Variants in UPP2 observed in about 807,000 individuals in gnomAD.
The protein encoded by UPP2 is UPase 2.
Under a neutral mutation model 26.7 loss-of-function variants are expected in UPP2, and 23 were observed. The ratio of observed to expected loss-of-function variants is 0.86; its 90% CI spans 0.62 to 1.22. UPP2 has a LOEUF of 1.22. Ranked by LOEUF, UPP2 falls within the 50% of genes most tolerant of loss-of-function variation. The pLI is 0.00. For missense variants in UPP2, 387 were observed against 396.7 expected (o/e 0.98, Z 0.21); for synonymous variants, 127 against 141.3 (o/e 0.90, Z 0.72).
rs377623634 is a variant in UPP2 at position 158,002,083 on chromosome 2, C to T, written c.61+6824C>T. 1.5e-4 allele frequency among the ~76,000 whole-genome samples: 23 copies of T among 151,434 alleles called. 1 individual carries two copies. The highest frequency in any genetic ancestry group is 9.9e-4 in the Admixed American group (15 of 15,172). On this transcript the variant is annotated intron_variant, in intron 2 of 9. Transcript: ENST00000605860. The stretch of plus-strand genomic sequence containing the variant: ...AGATTCACCTTTCAGCATCTTTTAC[C>T]AATATAAAATTCACCTCATTTTTCA...
chr2:158,053,199 T>G (rs780782561), intron 3 of UPP2, among the ~76,000 whole-genome samples: 8 of 152,324 alleles, frequency 5.3e-5, no homozygotes, highest in Middle Eastern at 3.4e-3. Context: ...TGGGAAGTCC[T>G]GATTTAGAAG....
At chr2:157,999,575 T>C (rs181908542) in intron 2 of UPP2, among the ~76,000 whole-genome samples, 1 of 152,228 alleles carries the variant, frequency 6.6e-6, no homozygotes, top group East Asian at 1.9e-4. Context: ...TATAAACCTG[T>C]TTTAATAACC....
intron 2 of UPP2, among the ~76,000 whole-genome samples, chr2:158,009,814 A>C (rs1378093744): frequency 6.6e-6 from 1 of 152,208 alleles, no homozygotes. Flanking sequence ...TTCTGTGGTC[A>C]TCTTGCCCCA....
chr2:158,059,892 C>T (rs1324464296), intron 3 of UPP2, among the ~76,000 whole-genome samples: 2 of 152,108 alleles, frequency 1.3e-5, no homozygotes, highest in Admixed American at 1.3e-4. Context: ...TTGGTCTTCA[C>T]CACTCATCAA....
chr2:158,064,613 T>C (rs948988465), intron 3 of UPP2, among the ~76,000 whole-genome samples: 1 of 152,244 alleles, frequency 6.6e-6, no homozygotes, highest in African/African-American at 2.4e-5. Context: ...TTGTCAATTT[T>C]GGCTTTTGTT....
At chr2:158,098,930 C>T (rs561827399), upstream of UPP2, among the ~76,000 whole-genome samples, 3 of 152,258 alleles carry the variant, frequency 2.0e-5, no homozygotes, top group South Asian at 6.2e-4. Context: ...AAAAATTGTA[C>T]ACTCTTAATA....
rs1020726499 is a variant in UPP2 at position 158,065,440 on chromosome 2, C to G, written c.148-36600C>G. The G allele has an allele frequency of 3.2e-4, 81 of 252,086 alleles. 2 individuals carry two copies. The highest frequency in any genetic ancestry group is 2.4e-3 in the South Asian group (54 of 22,444). 15.6% of individuals were successfully genotyped at this position (252,086 alleles called of 1,614,324 possible). A position where few individuals can be genotyped will look rare whatever the true frequency, so the allele number is the denominator to read the frequency against. The stretch of plus-strand genomic sequence containing the variant: ...TTCATACTCAAAGCACTGAGAATTT[C>G]AAGTGGAGTATATTGAAGTAGACTT... On this transcript the variant is annotated intron_variant, in intron 3 of 9. Coordinates refer to the UPP2 transcript ENST00000605860.
intron 3 of UPP2, among the ~76,000 whole-genome samples, chr2:158,074,687 T>TCATACA (rs1490427837): frequency 6.5e-4 from 18 of 27,502 alleles, no homozygotes; most frequent in Admixed American, 2.8e-3. Context: ...TAGAAGACCT[T>TCATACA]CATACACACA....
chr2:158,123,667 C>A, intron 5 of UPP2, 82 bp from the exon 6 acceptor site: 11 of 1,528,572 alleles, frequency 7.2e-6, no homozygotes, highest in Non-Finnish European at 9.7e-6. Flanking sequence ...GCAGCGTGCT[C>A]CAGCCAACAG....
upstream of UPP2, among the ~76,000 whole-genome samples, chr2:158,101,460 A>G (rs866258431): frequency 6.6e-6 from 1 of 152,336 alleles, no homozygotes. Context: ...AGATAAAGGG[A>G]CATTCTGAGG....
chr2:157,996,219 C>A (rs915643724), intron 2 of UPP2, among the ~76,000 whole-genome samples: 4 of 152,152 alleles, frequency 2.6e-5, no homozygotes, highest in African/African-American at 9.7e-5. Context: ...GAGAGAAGAG[C>A]TTTTCTTGGT....
intron 3 of UPP2, among the ~76,000 whole-genome samples, chr2:158,067,022 T>A (rs1384716206): frequency 2.0e-5 from 3 of 152,194 alleles, no homozygotes; most frequent in Non-Finnish European, 4.4e-5. Flanking sequence ...TTATCAGAAG[T>A]TGTTTACCAA....
Position 158,037,682 on chromosome 2 carries a change from C to G in UPP2, c.147+21796C>G, listed in dbSNP as rs565890310. Among the ~76,000 whole-genome samples the G allele has an allele frequency of 5.9e-5, 9 of 152,248 alleles. No homozygotes were observed. In the South Asian group the frequency reaches 1.7e-3, roughly 28 times the overall value. On this transcript the variant is annotated intron_variant, in intron 3 of 9. Transcript: ENST00000605860. Reference sequence around the variant, plus strand: ...CATGGTGTTCTGTGTGTGTGCCTGTCTTCACATGACCATCTCTTTTATAAG... The same window carrying G: ...CATGGTGTTCTGTGTGTGTGCCTGTGTTCACATGACCATCTCTTTTATAAG...
intron 2 of UPP2, among the ~76,000 whole-genome samples, chr2:157,998,251 A>G (rs1416903142): frequency 2.6e-5 from 4 of 152,130 alleles, no homozygotes; most frequent in African/African-American, 9.7e-5. Context: ...CTTAGGACAT[A>G]AGGTTGAACT....
At chr2:158,012,263 C>CTTT (rs34807293) in intron 2 of UPP2, among the ~76,000 whole-genome samples, 2,538 of 81,046 alleles carry the variant, frequency 0.031, 9 homozygotes, top group Non-Finnish European at 0.045. Flanking sequence ...TTGTTTCTAC[C>CTTT]TTTTTTTTTT....
intron 3 of UPP2, among the ~76,000 whole-genome samples, chr2:158,048,066 G>T (rs760999812): frequency 6.6e-6 from 1 of 152,160 alleles, no homozygotes; most frequent in Non-Finnish European, 1.5e-5. Context: ...ACCAGAGAAG[G>T]ATTAAGGGGT....
intron 3 of UPP2, among the ~76,000 whole-genome samples, chr2:158,059,355 T>C (rs1682313584): frequency 6.6e-6 from 1 of 152,198 alleles, no homozygotes; most frequent in South Asian, 2.1e-4. Context: ...CTGTCAGCCT[T>C]TCAAATTATA....
chr2:158,119,893 C>A (rs187598413), intron 4 of UPP2, among the ~76,000 whole-genome samples: 1 of 151,568 alleles, frequency 6.6e-6, no homozygotes, highest in Non-Finnish European at 1.5e-5. Flanking sequence ...TGCCTGTAGT[C>A]CTAGCTATTC....
intron 3 of UPP2, among the ~76,000 whole-genome samples, chr2:158,091,661 G>T (rs887823854): frequency 6.6e-6 from 1 of 152,096 alleles, no homozygotes; most frequent in Non-Finnish European, 1.5e-5. Context: ...GCTGATCTTC[G>T]TGGGCTTGCT....
Sources: allele counts gnomAD v4.1 joint callset (sites outside exome capture counted in the v4.1 genomes callset), GRCh38; gene constraint gnomAD v4.1.1; transcripts MANE v1.5; gene names NCBI Gene and HGNC (gene_info 2026-07-23, HGNC 2026-07-21).